DNAH11: variants seen among roughly 807,000 people sequenced by gnomAD.
DNAH11 encodes the protein dynein axonemal heavy chain 11.
DNAH11 carries 442 observed loss-of-function variants against 526.0 expected under a neutral mutation model. That is an observed-to-expected ratio of 0.84 (90% CI 0.78 to 0.91). The LOEUF (loss-of-function observed/expected upper bound fraction) is 0.91. Ranked by LOEUF, DNAH11 falls within the 40% of genes least tolerant of loss-of-function variation. The pLI is 0.00. For missense variants in DNAH11, 6,989 were observed against 5,448.7 expected, an observed-to-expected ratio of 1.28 and a Z score of -8.90; for synonymous variants, 2,461 against 1,935.9, an observed-to-expected ratio of 1.27 and a Z score of -7.12.
chr7:21,600,196 A>C, intron 15 of DNAH11, 77 bp downstream of exon 15: 477 of 1,300,834 alleles, frequency 3.7e-4, no homozygotes, highest in Non-Finnish European at 4.5e-4. Flanking sequence ...ATGGTAGCTC[A>C]TGCTGGGAAT....
intron 59 of DNAH11, 53 bp downstream of exon 59, chr7:21,786,820 C>T (rs1200159293): frequency 1.2e-6 from 2 of 1,605,604 alleles, no homozygotes; most frequent in African/African-American, 1.3e-5. Flanking sequence ...ATACTGTTTT[C>T]AGTACTGTGG....
intron 2 of DNAH11, 72 bp from the exon 3 acceptor site, chr7:21,558,730 T>G (rs1783320199): frequency 4.0e-6 from 5 of 1,236,490 alleles, no homozygotes; most frequent in East Asian, 5.1e-5. Context: ...GTTGCCAATT[T>G]TGTACGACAA....
At chr7:21,824,844 C>T (rs1224322044) in intron 65 of DNAH11, among the ~76,000 whole-genome samples, 1 of 152,046 alleles carries the variant, frequency 6.6e-6, no homozygotes, top group Non-Finnish European at 1.5e-5. Context: ...TACATTGCTC[C>T]TTCTGGCTCT....
chr7:21,896,031 C>G (rs1019297188), intron 79 of DNAH11, among the ~76,000 whole-genome samples: 2 of 152,174 alleles, frequency 1.3e-5, no homozygotes, highest in African/African-American at 4.8e-5. Flanking sequence ...GCCTGGCCCA[C>G]ACTTTTGATT....
At chr7:21,867,698 C>T (rs1783333634) in intron 71 of DNAH11, among the ~76,000 whole-genome samples, 161 bp from the exon 72 acceptor site, 1 of 152,226 alleles carries the variant, frequency 6.6e-6, no homozygotes, top group Non-Finnish European at 1.5e-5. Context: ...ACACCTACCG[C>T]ATACATCTAG....
chr7:21,740,239 A>G (rs1723413382), intron 48 of DNAH11, among the ~76,000 whole-genome samples: 1 of 152,128 alleles, frequency 6.6e-6, no homozygotes, highest in South Asian at 2.1e-4. Context: ...ACATGTTACA[A>G]AATTTACCAC....
chr7:21,606,351 G>C, intron 18 of DNAH11, 75 bp from the exon 19 acceptor site: 2 of 1,162,494 alleles, frequency 1.7e-6, no homozygotes, highest in Non-Finnish European at 1.2e-6. Context: ...AAAGAAATTA[G>C]AGTCATTTAA....
intron 54 of DNAH11, among the ~76,000 whole-genome samples, chr7:21,761,556 C>T (rs1383521657): frequency 6.6e-6 from 1 of 152,168 alleles, no homozygotes; most frequent in Non-Finnish European, 1.5e-5. Flanking sequence ...GTGTCAGAAT[C>T]ACCTTAGAGT....
At chr7:21,610,276 A>G (rs1785467672) in intron 20 of DNAH11, among the ~76,000 whole-genome samples, 1 of 152,118 alleles carries the variant, frequency 6.6e-6, no homozygotes, top group African/African-American at 2.4e-5. Flanking sequence ...ACAAAACAGA[A>G]AAAGATACTC....
chr7:21,856,279 C>T (rs1782844857), intron 68 of DNAH11, among the ~76,000 whole-genome samples: 1 of 152,042 alleles, frequency 6.6e-6, no homozygotes, highest in South Asian at 2.1e-4. Flanking sequence ...CGTGAACAGA[C>T]CTGAGATATG....
intron 61 of DNAH11, among the ~76,000 whole-genome samples, chr7:21,795,985 C>CCTCATAT (rs1554282108): frequency 4.0e-5 from 6 of 151,574 alleles, no homozygotes; most frequent in South Asian, 4.2e-4. Context: ...ACAGTGAGTA[C>CCTCATAT]CTCAACATGA....
chr7:21,578,401 G>A (rs1784180673), intron 8 of DNAH11, among the ~76,000 whole-genome samples: 1 of 152,170 alleles, frequency 6.6e-6, no homozygotes, highest in Non-Finnish European at 1.5e-5. Flanking sequence ...TCTAGGACAC[G>A]CTGATATAAG....
intron 45 of DNAH11, among the ~76,000 whole-genome samples, chr7:21,735,091 G>A (rs1262288957): frequency 6.6e-6 from 1 of 151,892 alleles, no homozygotes; most frequent in African/African-American, 2.4e-5. Flanking sequence ...AATAACCTAA[G>A]CTCAGGAAGT....
At chr7:21,689,123 C>T (rs1381315935) in intron 34 of DNAH11, among the ~76,000 whole-genome samples, 2 of 152,118 alleles carry the variant, frequency 1.3e-5, no homozygotes, top group Non-Finnish European at 2.9e-5. Context: ...TTTTTGTGTT[C>T]AGGTGTCTGT....
At position 21,705,508 on chromosome 7, in the gene DNAH11, G is replaced by T. The variant is rs781745806; in HGVS notation, c.6517G>T (p.Val2173Phe). ...GGCTGTGCGGCACTCGGTCTTTGTAGTTGGAAATGCAGGCACAGGAAAGAG... is the reference window on the plus strand; with the variant it reads ...GGCTGTGCGGCACTCGGTCTTTGTATTTGGAAATGCAGGCACAGGAAAGAG... ...LLAVRHSVFV[V>F]GNAGTGKSKI... Residue 2173 changes from valine (V) to phenylalanine (F), a missense_variant, in exon 39 of 82, where the codon GTT becomes TTT. Coordinates refer to ENST00000409508, the MANE Select transcript of DNAH11 (RefSeq NM_001277115.2). 6.2e-7 allele frequency: 1 copy of T among 1,613,722 alleles called. No homozygotes were observed. Among genetic ancestry groups the T allele is most frequent in the East Asian group, 2.2e-5 (1 of 44,878 alleles).
chr7:21,633,198 G>T (rs951347375), intron 25 of DNAH11, among the ~76,000 whole-genome samples: 1 of 152,210 alleles, frequency 6.6e-6, no homozygotes, highest in African/African-American at 2.4e-5. Context: ...TGAGATTTGG[G>T]TGGGGACACA....
intron 61 of DNAH11, among the ~76,000 whole-genome samples, chr7:21,793,357 C>T (rs565393762): frequency 1.3e-5 from 2 of 152,320 alleles, no homozygotes; most frequent in African/African-American, 4.8e-5. Flanking sequence ...GTGGCTCACG[C>T]CTATAATCCC....
intron 66 of DNAH11, among the ~76,000 whole-genome samples, chr7:21,843,413 G>A (rs928582045): frequency 6.6e-6 from 1 of 151,732 alleles, no homozygotes; most frequent in African/African-American, 2.4e-5. Flanking sequence ...GGCAAGTAAG[G>A]GAAGACAAAG....
intron 68 of DNAH11, among the ~76,000 whole-genome samples, chr7:21,855,013 C>G (rs538535602): frequency 1.3e-5 from 2 of 150,404 alleles, no homozygotes; most frequent in African/African-American, 2.5e-5. Flanking sequence ...GTGTATTGCT[C>G]CTGAGCAGTC....
Sources: gnomAD v4.1 joint callset for allele counts (sites outside exome capture counted in the v4.1 genomes callset) on GRCh38, gnomAD v4.1.1 for gene constraint, MANE v1.5 for transcripts, NCBI Gene and HGNC (gene_info 2026-07-23, HGNC 2026-07-21) for gene names.